HS3ST2: variants seen among roughly 807,000 people sequenced by gnomAD.
The protein encoded by HS3ST2 is heparan sulfate-glucosamine 3-sulfotransferase 2, also known as heparan sulfate glucosamine 3-O-sulfotransferase 2.
A neutral mutation model predicts 26.3 loss-of-function variants in HS3ST2; 17 were observed. The observed-to-expected ratio is 0.65, with a 90% CI of 0.44 to 0.97. The LOEUF is 0.97. HS3ST2 is among the 50% of genes least tolerant of loss of function. The pLI is 0.00. For missense variants in HS3ST2, 402 were observed against 501.2 expected (o/e 0.80, Z 1.89); for synonymous variants, 237 against 219.2 (o/e 1.08, Z -0.72).
chr16:22,866,943 A>G (rs765998488), intron 1 of HS3ST2, among the ~76,000 whole-genome samples: 3 of 152,228 alleles, frequency 2.0e-5, no homozygotes, highest in Non-Finnish European at 4.4e-5. Context: ...ATTTTATTCA[A>G]TTAAATGGAA....
chr16:22,891,312 C>T (rs996073139), intron 1 of HS3ST2, among the ~76,000 whole-genome samples: 3 of 152,192 alleles, frequency 2.0e-5, no homozygotes, highest in Admixed American at 6.5e-5. Context: ...GAAATTTCCA[C>T]GCATCGTCTC....
At chr16:22,843,030 A>G (rs1007711736) in intron 1 of HS3ST2, among the ~76,000 whole-genome samples, 3 of 152,152 alleles carry the variant, frequency 2.0e-5, no homozygotes, top group Non-Finnish European at 1.5e-5. Flanking sequence ...TCAAGTTCTG[A>G]GGAAGATGCC....
intron 1 of HS3ST2, among the ~76,000 whole-genome samples, chr16:22,824,000 T>C (rs540388868): frequency 1.3e-5 from 2 of 152,370 alleles, no homozygotes; most frequent in African/African-American, 4.8e-5. Flanking sequence ...TCATTATTCT[T>C]ACTGGTGGAA....
chr16:22,902,604 T>G (rs1397032429), intron 1 of HS3ST2, among the ~76,000 whole-genome samples: 1 of 152,226 alleles, frequency 6.6e-6, no homozygotes, highest in Non-Finnish European at 1.5e-5. Context: ...CATTTTACAT[T>G]TTGATAGATA....
At chr16:22,914,606 GAGATGGGAAGATGGGA>G (rs527516995) in intron 1 of HS3ST2, among the ~76,000 whole-genome samples, 6 of 148,862 alleles carry the variant, frequency 4.0e-5, no homozygotes, top group Non-Finnish European at 7.4e-5. Context: ...TTGGGAGGCT[GAGATGGGAAGATGGGA>G]AGATGGGAAG....
chr16:22,884,231 T>C (rs1023049165), intron 1 of HS3ST2, among the ~76,000 whole-genome samples: 2 of 152,176 alleles, frequency 1.3e-5, no homozygotes, highest in Admixed American at 1.3e-4. Flanking sequence ...TCTCATTTTA[T>C]CTCATTGAAT....
intron 1 of HS3ST2, among the ~76,000 whole-genome samples, chr16:22,900,690 A>G (rs1162152328): frequency 6.6e-6 from 1 of 152,078 alleles, no homozygotes; most frequent in Non-Finnish European, 1.5e-5. Context: ...GGGGAGGAAG[A>G]AAGAATGTGT....
chr16:22,858,139 G>A (rs1327277331), intron 1 of HS3ST2, among the ~76,000 whole-genome samples: 3 of 151,852 alleles, frequency 2.0e-5, no homozygotes, highest in Non-Finnish European at 4.4e-5. Flanking sequence ...AGCAAAACAG[G>A]GTGACTATAG....
rs146426750 is a variant in HS3ST2 at position 22,863,832 on chromosome 16, C to T, written c.485+48737C>T. Among the ~76,000 whole-genome samples, 1,082 of 152,298 alleles carry T rather than the reference C, an allele frequency of 7.1e-3. 13 individuals are homozygous for T. Among genetic ancestry groups the T allele is most frequent in the African/African-American group, 0.024 (1,012 of 41,556 alleles). On this transcript the variant is annotated intron_variant, in intron 1 of 1. Transcript: ENST00000261374. ...GTGCAAGAAGCTCAATGGCAATTAC[C>T]TGCCACCCTCTCCCTTCATCCTTTG...
chr16:22,899,753 T>A (rs1902259836), intron 1 of HS3ST2, among the ~76,000 whole-genome samples: 1 of 152,154 alleles, frequency 6.6e-6, no homozygotes, highest in African/African-American at 2.4e-5. Flanking sequence ...TGCAGGGGAA[T>A]TCCCCTTTAT....
At chr16:22,841,356 C>T (rs762049297) in intron 1 of HS3ST2, among the ~76,000 whole-genome samples, 2 of 152,168 alleles carry the variant, frequency 1.3e-5, no homozygotes, top group African/African-American at 2.4e-5. Context: ...CCACAGCGCC[C>T]GGCCTCACTC....
intron 1 of HS3ST2, among the ~76,000 whole-genome samples, chr16:22,885,002 A>C (rs536921036): frequency 6.6e-6 from 1 of 151,280 alleles, no homozygotes; most frequent in African/African-American, 2.4e-5. Flanking sequence ...CACCACGCCC[A>C]GCTAATTTTT....
chr16:22,888,449 C>A (rs1902092734), intron 1 of HS3ST2, among the ~76,000 whole-genome samples: 1 of 143,046 alleles, frequency 7.0e-6, no homozygotes, highest in South Asian at 2.2e-4. Context: ...TGCAGTGGCA[C>A]AATCTCAGCT....
chr16:22,884,368 C>T (rs1055210213), intron 1 of HS3ST2, among the ~76,000 whole-genome samples: 3 of 152,016 alleles, frequency 2.0e-5, no homozygotes, highest in African/African-American at 7.3e-5. Context: ...ACTTTTAAAC[C>T]CAGGTTCTTC....
rs191763374 is a variant in HS3ST2 at position 22,888,411 on chromosome 16, G to A, written c.486-26533G>A. Among the ~76,000 whole-genome samples the A allele has an allele frequency of 8.5e-3, 497 of 58,326 alleles. 1 individual carries two copies. Among genetic ancestry groups the A allele is most frequent in the Admixed American group, 0.016 (58 of 3,680 alleles). 38.3% of individuals were successfully genotyped at this position (58,326 alleles called of 152,430 possible). A position where few individuals can be genotyped will look rare whatever the true frequency, so the allele number is the denominator to read the frequency against. ...TTTTTTTCTTTTTTTTTTTGAGACA[G>A]AGTCTTGCTCTGTTGCCCAGGCTGG... On this transcript the variant is annotated intron_variant, in intron 1 of 1. Coordinates refer to ENST00000261374, the MANE Select transcript of HS3ST2 (RefSeq NM_006043.2).
At chr16:22,892,728 A>G (rs1424605150) in intron 1 of HS3ST2, among the ~76,000 whole-genome samples, 1 of 152,186 alleles carries the variant, frequency 6.6e-6, no homozygotes, top group Non-Finnish European at 1.5e-5. Context: ...CTTATCTGCA[A>G]TCCAAATAGT....
chr16:22,891,477 GA>G (rs34710184), intron 1 of HS3ST2, among the ~76,000 whole-genome samples: 70,791 of 148,624 alleles, frequency 0.48, 17,054 homozygotes, highest in Admixed American at 0.56. Flanking sequence ...ATCTTCATTT[GA>G]AAAAAAAAAA....
chr16:22,818,727 C>CCTTCCTT (rs1326905948), intron 1 of HS3ST2, among the ~76,000 whole-genome samples: 17 of 52,268 alleles, frequency 3.3e-4, no homozygotes, highest in Non-Finnish European at 3.9e-4. Flanking sequence ...TTCCTTCCCT[C>CCTTCCTT]CCTCCCTCCT....
intron 1 of HS3ST2, among the ~76,000 whole-genome samples, chr16:22,849,377 T>C (rs75369747): frequency 0.023 from 3,576 of 152,244 alleles, 121 homozygotes; most frequent in African/African-American, 0.078. Context: ...ATGTCTGCAA[T>C]ACAGAAATGT....
Sources: gnomAD v4.1 joint callset for allele counts (sites outside exome capture counted in the v4.1 genomes callset) on GRCh38, gnomAD v4.1.1 for gene constraint, MANE v1.5 for transcripts, NCBI Gene and HGNC (gene_info 2026-07-23, HGNC 2026-07-21) for gene names.